PLAGL1: variants seen among roughly 807,000 people sequenced by gnomAD.
PLAGL1 encodes the protein zinc finger protein PLAGL1.
A neutral mutation model predicts 4.6 loss-of-function variants in PLAGL1; 1 was observed. The observed-to-expected ratio is 0.22, with a 90% CI of 0.08 to 1.03. The LOEUF is 1.03. Ranked by LOEUF, PLAGL1 falls within the 50% of genes least tolerant of loss-of-function variation. The pLI is 0.58. For synonymous variants in PLAGL1, 240 were observed against 237.8 expected (o/e 1.01, Z -0.08); for missense variants, 464 against 570.4 (o/e 0.81, Z 1.90).
chr6:144,038,166 A>G (rs185014105), intron 1 of PLAGL1, among the ~76,000 whole-genome samples: 26 of 152,364 alleles, frequency 1.7e-4, no homozygotes, highest in African/African-American at 6.3e-4. Context: ...TATGAATCTT[A>G]ATAAACTCCA....
At chr6:144,046,400 C>T (rs1798147717) in intron 1 of PLAGL1, among the ~76,000 whole-genome samples, 1 of 152,164 alleles carries the variant, frequency 6.6e-6, no homozygotes, top group Non-Finnish European at 1.5e-5. Flanking sequence ...AATGTTGATA[C>T]TATTCCTTTC....
At chr6:143,974,774 A>G (rs904297646) in intron 2 of PLAGL1, among the ~76,000 whole-genome samples, 2 of 152,190 alleles carry the variant, frequency 1.3e-5, no homozygotes, top group Non-Finnish European at 2.9e-5. Context: ...TATCTCATCA[A>G]AGAAACCTAG....
intron 1 of PLAGL1, among the ~76,000 whole-genome samples, chr6:144,021,579 A>G (rs1458361059): frequency 1.3e-5 from 2 of 152,180 alleles, no homozygotes; most frequent in Non-Finnish European, 2.9e-5. Flanking sequence ...TTCCTCACCT[A>G]CCTACAAATG....
At chr6:144,044,473 T>C (rs997992862) in intron 1 of PLAGL1, among the ~76,000 whole-genome samples, 9 of 152,190 alleles carry the variant, frequency 5.9e-5, no homozygotes, top group African/African-American at 2.2e-4. Flanking sequence ...TCAGTTTCCA[T>C]GTAGTGGTGT....
Position 143,947,894 on chromosome 6 carries a change from G to A in PLAGL1, c.152+91C>T, listed in dbSNP as rs556094180. On this transcript the variant is annotated intron_variant, in intron 7 of 7. Transcript: ENST00000674357. This position sits in a 1 kb window ranked among gnomAD's most constrained non-coding sequence, Gnocchi z 4.3. ...AGGCTAAAATGCATCCATATCCTGT[G>A]TCCCTTTCCCCTTGCATCGTGTGGT... 152 of 1,025,654 alleles carry A rather than the reference G, an allele frequency of 1.5e-4. 3 individuals carry two copies. In the South Asian group the frequency reaches 2.2e-3, roughly 15 times the overall value. 63.5% of individuals were successfully genotyped at this position (1,025,654 alleles called of 1,614,324 possible).
intron 1 of PLAGL1, among the ~76,000 whole-genome samples, chr6:144,029,440 T>C (rs948536726): frequency 1.3e-5 from 2 of 152,218 alleles, no homozygotes; most frequent in Non-Finnish European, 2.9e-5. Context: ...AGAAAGCTTC[T>C]ACAGATAAGT....
chr6:143,975,059 A>G lies in PLAGL1; in HGVS notation c.-543-6081T>C, dbSNP rs537066718. On this transcript the variant is annotated intron_variant, in intron 2 of 7. Coordinates refer to ENST00000674357, the MANE Select transcript of PLAGL1 (RefSeq NM_001317162.2). The surrounding 1 kb of genome is among the most constrained non-coding windows in gnomAD (Gnocchi z 5.8). ...TTTATTAATCTATTTTTGAATGAGG[A>G]GATAATAGGCTCAAGAGAGGTAAAT... 2.6e-5 allele frequency among the ~76,000 whole-genome samples: 4 copies of G among 152,328 alleles called. No individual in the cohort carries two copies. Among genetic ancestry groups the G allele is most frequent in the Admixed American group, 6.5e-5 (1 of 15,306 alleles).
At chr6:143,991,017 C>G (rs1790363001) in intron 1 of PLAGL1, among the ~76,000 whole-genome samples, 1 of 152,146 alleles carries the variant, frequency 6.6e-6, no homozygotes, top group Non-Finnish European at 1.5e-5. Context: ...AAGAATAAAA[C>G]CTTTCCCAAC....
chr6:144,043,638 T>C (rs1797906348), intron 1 of PLAGL1, among the ~76,000 whole-genome samples: 1 of 151,922 alleles, frequency 6.6e-6, no homozygotes, highest in African/African-American at 2.4e-5. Flanking sequence ...AAAATTCTCT[T>C]TTTTTTTGTT....
chr6:144,002,499 G>A (rs1197179880), intron 1 of PLAGL1, among the ~76,000 whole-genome samples: 1 of 151,910 alleles, frequency 6.6e-6, no homozygotes, highest in Non-Finnish European at 1.5e-5. Flanking sequence ...TTTCCAGATG[G>A]CATGACAGCA....
chr6:144,039,549 T>C lies in PLAGL1; in HGVS notation c.-151+24919A>G, dbSNP rs912081224. 4.6e-5 allele frequency among the ~76,000 whole-genome samples: 7 copies of C among 152,122 alleles called. No individual in the cohort carries two copies. Among genetic ancestry groups the C allele is most frequent in the African/African-American group, 1.7e-4 (7 of 41,420 alleles). ...TGCAGTGAGCCAAGATTGTGCCACT[T>C]CACTTCAGCCTGGGTGACAGAGTGA... On this transcript the variant is annotated intron_variant, in intron 1 of 3. Coordinates refer to the PLAGL1 transcript ENST00000437412. The surrounding 1 kb of genome is among the most constrained non-coding windows in gnomAD (Gnocchi z 4.1).
At position 144,026,645 on chromosome 6, in the gene PLAGL1, C is replaced by G. The variant is rs140841386; in HGVS notation, c.-151+37823G>C. Among the ~76,000 whole-genome samples the G allele has an allele frequency of 4.6e-5, 7 of 152,274 alleles. No individual in the cohort carries two copies. The East Asian group carries it at 1.2e-3, about 25-fold the overall frequency. On this transcript the variant is annotated intron_variant, in intron 1 of 3. Coordinates refer to the PLAGL1 transcript ENST00000437412. The stretch of plus-strand genomic sequence containing the variant: ...TGTTTTCCAATAATTCATCTATACC[C>G]AAGCCCGACTTGTCCAAATTTCTTT...
chr6:143,941,370 A>AC lies in PLAGL1; in HGVS notation c.*53_*54insG. 7.3e-7 allele frequency: 1 copy of AC among 1,371,160 alleles called. No individual in the cohort carries two copies. Among genetic ancestry groups the AC allele is most frequent in the East Asian group, 2.4e-5 (1 of 42,134 alleles). The allele number at this position is 1,371,160 out of a possible 1,614,324, so 84.9% of individuals were successfully genotyped here. A position where few individuals can be genotyped will look rare whatever the true frequency, so the allele number is the denominator to read the frequency against. On this transcript the variant is annotated 3_prime_UTR_variant, in exon 8 of 8. Transcript: ENST00000674357. The surrounding 1 kb of genome is among the most constrained non-coding windows in gnomAD (Gnocchi z 6.0). ...CTTTCTCATATTGTAACTGACATTT[A>AC]AAATGCTTCTTAAAACATCTTCCAG... is the stretch of plus-strand genomic sequence containing the variant.
chr6:144,022,726 T>C lies in PLAGL1; in HGVS notation c.-151+41742A>G, dbSNP rs1196138806. Among the ~76,000 whole-genome samples, 1 of 152,184 alleles carries C rather than the reference T, an allele frequency of 6.6e-6. No individual in the cohort carries two copies. Among genetic ancestry groups the C allele is most frequent in the Non-Finnish European group, 1.5e-5 (1 of 68,028 alleles). Reference sequence around the variant, plus strand: ...TGCCACCATGTAAGATGTCTCTTGCTCTTCCACCATGATTGTGAGGCCTCC... The same window carrying C: ...TGCCACCATGTAAGATGTCTCTTGCCCTTCCACCATGATTGTGAGGCCTCC... On this transcript the variant is annotated intron_variant, in intron 1 of 3. Transcript: ENST00000437412. The surrounding 1 kb of genome is among the most constrained non-coding windows in gnomAD (Gnocchi z 4.2).
At chr6:144,019,093 A>T (rs1332422699) in intron 1 of PLAGL1, among the ~76,000 whole-genome samples, 2 of 152,204 alleles carry the variant, frequency 1.3e-5, no homozygotes, top group Non-Finnish European at 2.9e-5. Context: ...TGTTATAAAG[A>T]CAAACGCTGA....
At position 144,027,288 on chromosome 6, in the gene PLAGL1, A is replaced by T. The variant is rs1014325605; in HGVS notation, c.-151+37180T>A. ...GAAAGAAAGAAAGAAAGAAAGAAAG[A>T]AAGAAAGTTATTTGATCTGAAGTAC... On this transcript the variant is annotated intron_variant, in intron 1 of 3. Transcript: ENST00000437412. This position sits in a 1 kb window ranked among gnomAD's most constrained non-coding sequence, Gnocchi z 5.8. Among the ~76,000 whole-genome samples, 5 of 117,020 alleles carry T rather than the reference A, an allele frequency of 4.3e-5. No homozygotes were observed. The highest frequency in any genetic ancestry group is 1.5e-4 in the African/African-American group (5 of 32,432). 76.8% of individuals were successfully genotyped at this position (117,020 alleles called of 152,430 possible).
chr6:144,024,939 A>T (rs946824660), intron 1 of PLAGL1, among the ~76,000 whole-genome samples: 22 of 152,198 alleles, frequency 1.4e-4, no homozygotes, highest in African/African-American at 5.1e-4. Context: ...GTGCAGGGGA[A>T]TTTCAAATTT....
In PLAGL1 at chr6:144,030,281, A is replaced by AAAAAAAAAAAAAAAAAAAAAAAG. The variant is rs1296064916; in HGVS notation, c.-151+34186_-151+34187insCTTTTTTTTTTTTTTTTTTTTTT. On this transcript the variant is annotated intron_variant, in intron 1 of 3. Transcript: ENST00000437412. ...AAAAAAAAAAAAAAAAAAAAAAAAA[A>AAAAAAAAAAAAAAAAAAAAAAAG]AAGAAGATGTAAATTTTAATACAAT... Among the ~76,000 whole-genome samples the AAAAAAAAAAAAAAAAAAAAAAAG allele has an allele frequency of 2.3e-5, 3 of 132,902 alleles. 1 individual carries two copies. Among genetic ancestry groups the AAAAAAAAAAAAAAAAAAAAAAAG allele is most frequent in the East Asian group, 4.7e-4 (2 of 4,220 alleles). 87.2% of individuals were successfully genotyped at this position (132,902 alleles called of 152,430 possible). A position where few individuals can be genotyped will look rare whatever the true frequency, so the allele number is the denominator to read the frequency against.
In PLAGL1 at chr6:143,979,945, G is replaced by T. The variant is rs1186692759; in HGVS notation, c.-544+5190C>A. On this transcript the variant is annotated intron_variant, in intron 2 of 7. Transcript: ENST00000674357. This position sits in a 1 kb window ranked among gnomAD's most constrained non-coding sequence, Gnocchi z 4.6. Reference sequence around the variant, plus strand: ...TTTCACCTGTTATTTTCCTACCAAAGAAAGTGCTTGCATGTTTCACCTTTT... The same window carrying T: ...TTTCACCTGTTATTTTCCTACCAAATAAAGTGCTTGCATGTTTCACCTTTT... Among the ~76,000 whole-genome samples the T allele has an allele frequency of 6.6e-6, 1 of 152,036 alleles. No homozygotes were observed. Among genetic ancestry groups the T allele is most frequent in the Non-Finnish European group, 1.5e-5 (1 of 67,938 alleles).
Sources: gnomAD v4.1 joint callset for allele counts (sites outside exome capture counted in the v4.1 genomes callset) on GRCh38, gnomAD v4.1.1 for gene constraint, Gnocchi (gnomAD v3.1) non-coding constraint, MANE v1.5 for transcripts, NCBI Gene and HGNC (gene_info 2026-07-23, HGNC 2026-07-21) for gene names.